NKAIN2: variants seen among roughly 807,000 people sequenced by gnomAD.
The protein encoded by NKAIN2 is sodium/potassium transporting ATPase interacting 2.
Under a neutral mutation model 32.6 loss-of-function variants are expected in NKAIN2, and 14 were observed. That is an observed-to-expected ratio of 0.43 (90% CI 0.28 to 0.67). The LOEUF (loss-of-function observed/expected upper bound fraction) is 0.67. Among genes scored for constraint, NKAIN2 ranks in the 30% least tolerant of loss-of-function variants. The pLI is 0.17. For synonymous variants in NKAIN2, 80 were observed against 87.2 expected (o/e 0.92, Z 0.46); for missense variants, 198 against 258.3 (o/e 0.77, Z 1.60).
chr6:124,258,200 G>C (rs544298621), intron 1 of NKAIN2, among the ~76,000 whole-genome samples: 3 of 151,816 alleles, frequency 2.0e-5, no homozygotes, highest in Non-Finnish European at 4.4e-5. Context: ...GATTCACACA[G>C]TTGCTGAGTG....
intron 1 of NKAIN2, among the ~76,000 whole-genome samples, chr6:123,891,859 A>T (rs546672627): frequency 6.6e-6 from 1 of 152,284 alleles, no homozygotes; most frequent in South Asian, 2.1e-4. Flanking sequence ...TAAAATAGAG[A>T]TGAAAATAGC....
At chr6:124,530,958 TACAG>T (rs1437769613) in intron 3 of NKAIN2, among the ~76,000 whole-genome samples, 3 of 152,232 alleles carry the variant, frequency 2.0e-5, no homozygotes, top group Admixed American at 2.0e-4. Context: ...TCCACGTTGG[TACAG>T]GCAGATTTTC....
chr6:124,722,406 A>G (rs1776068602), intron 4 of NKAIN2, among the ~76,000 whole-genome samples: 2 of 152,206 alleles, frequency 1.3e-5, no homozygotes, highest in Non-Finnish European at 2.9e-5. Flanking sequence ...CTTTTTGGCA[A>G]CAGGGACCAG....
At chr6:124,529,337 C>T (rs989384495) in intron 3 of NKAIN2, among the ~76,000 whole-genome samples, 2 of 152,172 alleles carry the variant, frequency 1.3e-5, no homozygotes, top group Non-Finnish European at 2.9e-5. Flanking sequence ...CAAGACTTCC[C>T]TTCTCTTTCT....
chr6:123,832,301 T>C (rs1301724519), intron 1 of NKAIN2, among the ~76,000 whole-genome samples: 1 of 152,240 alleles, frequency 6.6e-6, no homozygotes, highest in African/African-American at 2.4e-5. Flanking sequence ...TTTCATGGCC[T>C]GATAGCTCAT....
Position 123,858,202 on chromosome 6 carries a change from G to A in NKAIN2, c.54+53948G>A, listed in dbSNP as rs545945035. ...GTGATCTCAGCTCACTGCAACCTCCGCGTCCCGGGTTCAAGCGATTCTCCT... is the reference window on the plus strand; with the variant it reads ...GTGATCTCAGCTCACTGCAACCTCCACGTCCCGGGTTCAAGCGATTCTCCT... On this transcript the variant is annotated intron_variant, in intron 1 of 6. Coordinates refer to ENST00000368417, the MANE Select transcript of NKAIN2 (RefSeq NM_001040214.3). Among the ~76,000 whole-genome samples, 12 of 151,350 alleles carry A rather than the reference G, an allele frequency of 7.9e-5. No individual in the cohort carries two copies. The South Asian group carries it at 1.7e-3, about 21-fold the overall frequency.
At chr6:124,471,352 T>C (rs529336263) in intron 3 of NKAIN2, among the ~76,000 whole-genome samples, 1 of 152,268 alleles carries the variant, frequency 6.6e-6, no homozygotes, top group African/African-American at 2.4e-5. Context: ...AGAACAAATA[T>C]GATTTTATAT....
intron 4 of NKAIN2, among the ~76,000 whole-genome samples, chr6:124,664,632 A>C (rs1373927561): frequency 2.0e-5 from 3 of 150,360 alleles, no homozygotes; most frequent in Middle Eastern, 3.4e-3. Flanking sequence ...GTCTCTACTA[A>C]AAATACAAAA....
intron 1 of NKAIN2, among the ~76,000 whole-genome samples, chr6:124,060,213 A>C (rs768317341): frequency 1.3e-5 from 2 of 152,128 alleles, no homozygotes; most frequent in Non-Finnish European, 2.9e-5. Context: ...TTTCAGAGAC[A>C]CCTTGATCCT....
chr6:123,856,463 A>G (rs1775557830), intron 1 of NKAIN2, among the ~76,000 whole-genome samples: 1 of 152,230 alleles, frequency 6.6e-6, no homozygotes, highest in South Asian at 2.1e-4. Flanking sequence ...GAAAATTATT[A>G]AAAGTAGCCA....
At chr6:124,179,768 A>G (rs920143538) in intron 1 of NKAIN2, among the ~76,000 whole-genome samples, 3 of 152,216 alleles carry the variant, frequency 2.0e-5, no homozygotes, top group African/African-American at 7.2e-5. Flanking sequence ...CCTGTGAAGC[A>G]ATGTGCAAAC....
intron 1 of NKAIN2, among the ~76,000 whole-genome samples, chr6:124,010,861 G>A (rs9320969): frequency 0.51 from 76,760 of 151,798 alleles, 19,627 homozygotes; most frequent in East Asian, 0.59. Flanking sequence ...AAAATGGCAA[G>A]GACTGGGGTT....
intron 4 of NKAIN2, among the ~76,000 whole-genome samples, chr6:124,754,507 A>G (rs528722285): frequency 1.5e-4 from 23 of 152,136 alleles, no homozygotes; most frequent in African/African-American, 3.9e-4. Context: ...GAAAAGACGT[A>G]TATGTGGCCA....
At chr6:124,741,526 A>C (rs1777211329) in intron 4 of NKAIN2, among the ~76,000 whole-genome samples, 1 of 151,864 alleles carries the variant, frequency 6.6e-6, no homozygotes, top group African/African-American at 2.4e-5. Flanking sequence ...ACCCGCTATC[A>C]AAATATGAGG....
chr6:124,331,421 C>T (rs372671224), intron 2 of NKAIN2, among the ~76,000 whole-genome samples: 141 of 133,136 alleles, frequency 1.1e-3, no homozygotes, highest in African/African-American at 3.4e-3. Context: ...CCCAACTACA[C>T]GGGAGGCCGA....
chr6:123,911,812 T>TACACACAC lies in NKAIN2; in HGVS notation c.54+107598_54+107605dup, dbSNP rs60501930. Among the ~76,000 whole-genome samples the TACACACAC allele has an allele frequency of 1.4e-3, 122 of 85,006 alleles. 2 individuals carry two copies. Among genetic ancestry groups the TACACACAC allele is most frequent in the African/African-American group, 1.2e-3 (27 of 21,828 alleles). The allele number at this position is 85,006 out of a possible 152,430, so 55.8% of individuals were successfully genotyped here. ...ATATATATATATATGTATATATATA[T>TACACACAC]ACACACACACACACACACACACACA... On this transcript the variant is annotated intron_variant, in intron 1 of 6. Coordinates refer to ENST00000368417, the MANE Select transcript of NKAIN2 (RefSeq NM_001040214.3).
chr6:124,192,860 C>T (rs976002881), intron 1 of NKAIN2, among the ~76,000 whole-genome samples: 1 of 151,046 alleles, frequency 6.6e-6, no homozygotes, highest in African/African-American at 2.4e-5. Flanking sequence ...CGCCATTCTC[C>T]TGCCTCAGCC....
intron 1 of NKAIN2, among the ~76,000 whole-genome samples, chr6:124,282,590 C>T (rs935142913): frequency 6.6e-6 from 1 of 152,216 alleles, no homozygotes. Context: ...TTTTCCTCCA[C>T]ATCAAACTTC....
intron 3 of NKAIN2, among the ~76,000 whole-genome samples, chr6:124,554,513 C>T (rs1031390221): frequency 6.6e-6 from 1 of 152,230 alleles, no homozygotes; most frequent in African/African-American, 2.4e-5. Flanking sequence ...GCATTTCTTC[C>T]ACCGGAAATG....
Sources: allele counts gnomAD v4.1 joint callset (sites outside exome capture counted in the v4.1 genomes callset), GRCh38; gene constraint gnomAD v4.1.1; transcripts MANE v1.5; gene names NCBI Gene and HGNC (gene_info 2026-07-23, HGNC 2026-07-21).